Variants in KLHL4 observed in about 807,000 individuals in gnomAD.
KLHL4 encodes the protein kelch like family member 4, also known as kelch-like protein 4.
In KLHL4, 17 loss-of-function variants were observed where a neutral mutation model predicts 45.8. The observed-to-expected ratio is 0.37, with a 90% confidence interval of 0.25 to 0.56. The LOEUF (loss-of-function observed/expected upper bound fraction) is 0.56, where lower values mean the gene tolerates loss of function less well. Ranked by LOEUF, KLHL4 falls within the 20% of genes least tolerant of loss-of-function variation. The pLI is 0.79. For synonymous variants in KLHL4, 224 were observed against 189.9 expected (o/e 1.18, Z -1.47); for missense variants, 544 against 544.9 (o/e 1.00, Z 0.02).
At chrX:87,586,631 AC>A (rs1442849921) in intron 1 of KLHL4, among the ~76,000 whole-genome samples, 1 of 111,202 alleles carries the variant, frequency 9.0e-6, no homozygotes, top group African/African-American at 3.3e-5. Context: ...GAAAACCAGC[AC>A]TAGGAGGGAA....
intron 1 of KLHL4, among the ~76,000 whole-genome samples, chrX:87,601,047 G>C (rs951516278): frequency 1.8e-5 from 2 of 111,411 alleles, no homozygotes; most frequent in Admixed American, 9.6e-5. Context: ...TCGCAGCACC[G>C]AAGTATGTTA....
At chrX:87,642,853 GA>G (rs1569360522) in intron 9 of KLHL4, among the ~76,000 whole-genome samples, 2 of 111,723 alleles carry the variant, frequency 1.8e-5, no homozygotes, top group South Asian at 3.7e-4. Flanking sequence ...CAAAGACAAA[GA>G]AAAAAGAATA....
intron 5 of KLHL4, 65 bp downstream of exon 5, chrX:87,622,488 T>C: frequency 4.2e-6 from 3 of 708,250 alleles, no homozygotes; most frequent in Non-Finnish European, 6.1e-6. Context: ...CTAATCCATT[T>C]CTTATTTGCC....
rs184996563 is a variant in KLHL4 at position 87,585,107 on chromosome X, A to T, written c.423-28770A>T. Among the ~76,000 whole-genome samples the T allele has an allele frequency of 7.4e-3, 829 of 111,502 alleles. 4 individuals are homozygous for T. Among genetic ancestry groups the T allele is most frequent in the African/African-American group, 0.026 (787 of 30,747 alleles). The stretch of plus-strand genomic sequence containing the variant: ...AGTGCTGAACAACAATAACAAAAAA[A>T]ACCTTTTACTCTAGAATAATATATC... On this transcript the variant is annotated intron_variant, in intron 1 of 10. Coordinates refer to ENST00000373119, the MANE Select transcript of KLHL4 (RefSeq NM_019117.5).
intron 1 of KLHL4, among the ~76,000 whole-genome samples, chrX:87,611,334 G>A (rs944987138): frequency 1.8e-5 from 2 of 111,087 alleles, no homozygotes; most frequent in Non-Finnish European, 3.8e-5. Flanking sequence ...AAGATTGGAG[G>A]TGGTAGAGCA....
chrX:87,665,017 A>G, intron 10 of KLHL4, 82 bp downstream of exon 10: 1 of 604,547 alleles, frequency 1.7e-6, no homozygotes, highest in East Asian at 3.6e-5. Flanking sequence ...AATTAGTTGT[A>G]TTCTCTTCTC....
chrX:87,554,693 AT>A (rs1931926631), intron 1 of KLHL4, among the ~76,000 whole-genome samples: 1 of 107,974 alleles, frequency 9.3e-6, no homozygotes, highest in Admixed American at 1.0e-4. Flanking sequence ...TCTTTTCCTA[AT>A]TGAATGCCCT....
At position 87,669,517 on chromosome X, in the gene KLHL4, A is replaced by T. The variant is rs2147847856; in HGVS notation, c.*2983A>T. ...TTCCTTCTGGAGTTCCAAATGCAAT[A>T]TAGAAAAAAAAACCCTGTGACTCTG... On this transcript the variant is annotated 3_prime_UTR_variant, in exon 11 of 11. Transcript: ENST00000373119. The T allele has an allele frequency of 1.2e-6, 1 of 852,532 alleles. No homozygotes were observed. Among genetic ancestry groups the T allele is most frequent in the South Asian group, 3.8e-5 (1 of 26,649 alleles). 70.3% of individuals were successfully genotyped at this position (852,532 alleles called of 1,213,427 possible).
At chrX:87,546,468 G>A (rs1284583852) in intron 1 of KLHL4, among the ~76,000 whole-genome samples, 4 of 112,363 alleles carry the variant, frequency 3.6e-5, no homozygotes, top group Admixed American at 2.8e-4. Context: ...GAAACACCTG[G>A]ATGTTCAGGC....
chrX:87,645,118 A>G (rs1923589013), intron 9 of KLHL4, among the ~76,000 whole-genome samples: 1 of 111,968 alleles, frequency 8.9e-6, no homozygotes. Flanking sequence ...CAGACAACCC[A>G]CAGTGTGGGA....
intron 5 of KLHL4, 131 bp downstream of exon 5, chrX:87,622,554 C>T (rs1267008510): frequency 4.8e-6 from 2 of 414,621 alleles, no homozygotes; most frequent in Non-Finnish European, 8.1e-6. Flanking sequence ...ATTCGTTTCA[C>T]AGAAGAACAT....
At chrX:87,631,417 C>T (rs1012812693) in intron 6 of KLHL4, among the ~76,000 whole-genome samples, 1 of 112,052 alleles carries the variant, frequency 8.9e-6, no homozygotes, top group Non-Finnish European at 1.9e-5. Flanking sequence ...ACCAAGGATT[C>T]TTTTGACCTC....
chrX:87,575,924 G>C (rs1427142042), intron 1 of KLHL4, among the ~76,000 whole-genome samples: 1 of 111,873 alleles, frequency 8.9e-6, no homozygotes, highest in Non-Finnish European at 1.9e-5. Flanking sequence ...TGGCAATACT[G>C]AAAAGATAAC....
rs1296197067 is a variant in KLHL4, at chrX:87,669,218, AT to A, written c.*2691del. 5 of 1,109,320 alleles carry A rather than the reference AT, an allele frequency of 4.5e-6. No homozygotes were observed. The East Asian group carries it at 9.8e-5, about 22-fold the overall frequency. The allele number at this position is 1,109,320 out of a possible 1,213,427, so 91.4% of individuals were successfully genotyped here. On this transcript the variant is annotated 3_prime_UTR_variant, in exon 11 of 11. Transcript: ENST00000373119. Reference sequence around the variant, plus strand: ...ATCTGAAAGACAATGTTGCTTCTTGATTTTTTTCTATAATCACTATGACCGT... The same window carrying A: ...ATCTGAAAGACAATGTTGCTTCTTGATTTTTTCTATAATCACTATGACCGT...
At chrX:87,626,526 C>T (rs1922933671) in intron 6 of KLHL4, among the ~76,000 whole-genome samples, 1 of 110,277 alleles carries the variant, frequency 9.1e-6, no homozygotes, top group Admixed American at 9.7e-5. Flanking sequence ...TTGTCCTGCA[C>T]CTATGAAAAT....
intron 1 of KLHL4, among the ~76,000 whole-genome samples, chrX:87,533,209 T>C (rs1055000810): frequency 8.2e-5 from 9 of 109,600 alleles, no homozygotes; most frequent in African/African-American, 3.0e-4. Context: ...ACTGGGTATA[T>C]ACCCGAAGGA....
intron 1 of KLHL4, among the ~76,000 whole-genome samples, chrX:87,534,008 T>C (rs1931373721): frequency 9.0e-6 from 1 of 111,233 alleles, no homozygotes; most frequent in Non-Finnish European, 1.9e-5. Context: ...AAACCGGAAA[T>C]AGGAGTCTGT....
Position 87,518,131 on chromosome X carries a change from C to A in KLHL4, c.238C>A (p.Pro80Thr). The change falls in exon 1 of 11, where the codon CCG (proline) becomes ACG (threonine). Residue 80 changes from proline (P) to threonine (T), a missense_variant. By Grantham distance (38) the Pro-to-Thr change is conservative. Coordinates refer to ENST00000373119, the MANE Select transcript of KLHL4 (RefSeq NM_019117.5). The stretch of plus-strand genomic sequence containing the variant: ...CAATATACTGGCACCAGTGCCAGGA[C>A]CGGCCCCTGCCCATCAGAGAGCCGT... ...HHNILAPVPG[P>T]APAHQRAVQN... 8.3e-7 allele frequency: 1 copy of A among 1,211,750 alleles called. No individual in the cohort carries two copies. Among genetic ancestry groups the A allele is most frequent in the Admixed American group, 2.2e-5 (1 of 46,012 alleles).
intron 4 of KLHL4, among the ~76,000 whole-genome samples, chrX:87,619,821 C>A (rs747116376): frequency 1.8e-5 from 2 of 111,846 alleles, no homozygotes; most frequent in Admixed American, 9.6e-5. Flanking sequence ...ATGTTAGTAT[C>A]TATTGTAAAT....
Sources: gnomAD v4.1 joint callset for allele counts (sites outside exome capture counted in the v4.1 genomes callset) on GRCh38, gnomAD v4.1.1 for gene constraint, MANE v1.5 for transcripts, NCBI Gene and HGNC (gene_info 2026-07-23, HGNC 2026-07-21) for gene names.